Variants in FOXP1 observed in about 807,000 individuals in gnomAD.
The protein encoded by FOXP1 is forkhead box protein P1.
In FOXP1, 15 loss-of-function variants were observed where a neutral mutation model predicts 98.2. That is an observed-to-expected ratio of 0.15 (90% confidence interval 0.10 to 0.24). The LOEUF (loss-of-function observed/expected upper bound fraction) is 0.24, where lower values mean the gene tolerates loss of function less well. Among genes scored for constraint, FOXP1 ranks in the 10% least tolerant of loss-of-function variants. FOXP1 has a pLI of 1.00. For missense variants in FOXP1, 633 were observed against 848.5 expected, an observed-to-expected ratio of 0.75 and a Z score of 3.15; for synonymous variants, 371 against 314.5, an observed-to-expected ratio of 1.18 and a Z score of -1.90.
intron 11 of FOXP1, among the ~76,000 whole-genome samples, chr3:71,031,908 A>T (rs752281937): frequency 2.6e-5 from 4 of 152,220 alleles, no homozygotes; most frequent in Non-Finnish European, 5.9e-5. Flanking sequence ...CTATGAACCA[A>T]GTGTGTTTCA....
chr3:71,146,040 G>C (rs2060291634), intron 6 of FOXP1, among the ~76,000 whole-genome samples: 1 of 152,174 alleles, frequency 6.6e-6, no homozygotes, highest in Non-Finnish European at 1.5e-5. Flanking sequence ...CAACTTACTA[G>C]GAAATGAAAA....
chr3:71,000,434 A>C (rs192929830), intron 13 of FOXP1, among the ~76,000 whole-genome samples: 2 of 152,150 alleles, frequency 1.3e-5, no homozygotes, highest in Admixed American at 1.3e-4. Flanking sequence ...ATGAGAAATA[A>C]ACCCACATAT....
intron 9 of FOXP1, among the ~76,000 whole-genome samples, chr3:71,051,205 A>C (rs1201697875): frequency 2.0e-5 from 3 of 152,174 alleles, no homozygotes; most frequent in Non-Finnish European, 4.4e-5. Flanking sequence ...TTAGATTTAC[A>C]TTTTAGACAC....
At chr3:70,975,453 C>G (rs1414040945) in intron 17 of FOXP1, among the ~76,000 whole-genome samples, 7 of 152,140 alleles carry the variant, frequency 4.6e-5, no homozygotes, top group Non-Finnish European at 8.8e-5. Flanking sequence ...TGAATTAATT[C>G]TATGGTTATA....
chr3:71,443,452 C>T (rs79992421), intron 3 of FOXP1, among the ~76,000 whole-genome samples: 217 of 152,326 alleles, frequency 1.4e-3, no homozygotes, highest in East Asian at 7.5e-3. Flanking sequence ...CCTATCTAAC[C>T]GTAACTCTGG....
chr3:71,268,869 G>A (rs1046879320), intron 5 of FOXP1, among the ~76,000 whole-genome samples: 4 of 152,128 alleles, frequency 2.6e-5, no homozygotes, highest in Admixed American at 2.0e-4. Context: ...AGCTTCCTGT[G>A]CCCACTGAGC....
chr3:71,451,141 T>C (rs1035666563), intron 3 of FOXP1, among the ~76,000 whole-genome samples: 1 of 151,940 alleles, frequency 6.6e-6, no homozygotes, highest in Non-Finnish European at 1.5e-5. Context: ...ATGAGTGGAG[T>C]TCAAAATTAC....
In FOXP1 at chr3:71,143,462, G is replaced by A. The variant is rs777591229; in HGVS notation, c.181-30825C>T. On this transcript the variant is annotated intron_variant, in intron 6 of 20. Coordinates refer to ENST00000649528, the MANE Select transcript of FOXP1 (RefSeq NM_001349338.3). ...AGTCTTCTGGAAGATGAAGCCAGAG[G>A]CCTGCATTTGAATCCTAGCTTCACT... Among the ~76,000 whole-genome samples the A allele has an allele frequency of 3.3e-5, 5 of 152,144 alleles. No homozygotes were observed. The East Asian group carries it at 9.6e-4, about 29-fold the overall frequency.
intron 3 of FOXP1, among the ~76,000 whole-genome samples, chr3:71,366,843 A>G (rs1320289895): frequency 6.6e-6 from 1 of 152,200 alleles, no homozygotes; most frequent in Non-Finnish European, 1.5e-5. Flanking sequence ...AAGTCCTCTT[A>G]ATGAGATTCC....
At chr3:71,300,193 T>A (rs569557917) in intron 4 of FOXP1, among the ~76,000 whole-genome samples, 1 of 152,258 alleles carries the variant, frequency 6.6e-6, no homozygotes, top group Non-Finnish European at 1.5e-5. Flanking sequence ...CTCATAGGCC[T>A]CTGTTTTTGG....
At chr3:71,184,152 A>AAAAC (rs909117104) in intron 6 of FOXP1, among the ~76,000 whole-genome samples, 15 of 152,280 alleles carry the variant, frequency 9.9e-5, no homozygotes, top group African/African-American at 3.4e-4. Context: ...GACTGTCTCA[A>AAAAC]AAACAAACAA....
At chr3:71,378,935 T>C (rs1325478742) in intron 3 of FOXP1, among the ~76,000 whole-genome samples, 2 of 152,146 alleles carry the variant, frequency 1.3e-5, no homozygotes, top group Non-Finnish European at 2.9e-5. Context: ...TACTATATGA[T>C]ACCATCAGAA....
intron 4 of FOXP1, among the ~76,000 whole-genome samples, chr3:71,318,110 G>T (rs569371251): frequency 6.7e-6 from 1 of 150,360 alleles, no homozygotes; most frequent in Non-Finnish European, 1.5e-5. Flanking sequence ...TTTAAAAAAT[G>T]TAGTGATAAA....
chr3:71,283,918 T>C (rs980322495), intron 5 of FOXP1, among the ~76,000 whole-genome samples: 1 of 152,138 alleles, frequency 6.6e-6, no homozygotes, highest in East Asian at 1.9e-4. Flanking sequence ...AAGACCCCTT[T>C]CCTATTTTCT....
intron 3 of FOXP1, among the ~76,000 whole-genome samples, chr3:71,386,100 G>A (rs1236891570): frequency 6.6e-6 from 1 of 152,104 alleles, no homozygotes; most frequent in Non-Finnish European, 1.5e-5. Flanking sequence ...AAAACGTTAA[G>A]GATTTTGGGA....
At chr3:71,540,774 G>A (rs2044741732) in intron 2 of FOXP1, among the ~76,000 whole-genome samples, 1 of 152,212 alleles carries the variant, frequency 6.6e-6, no homozygotes, top group African/African-American at 2.4e-5. Context: ...GAATATGTAT[G>A]AATACAGACA....
chr3:71,481,248 C>T (rs878914981), intron 3 of FOXP1, among the ~76,000 whole-genome samples: 1 of 152,150 alleles, frequency 6.6e-6, no homozygotes, highest in African/African-American at 2.4e-5. Context: ...TTAAATCCCA[C>T]GATCACCTAT....
intron 3 of FOXP1, among the ~76,000 whole-genome samples, chr3:71,460,445 T>TA (rs1217608497): frequency 6.6e-6 from 1 of 151,572 alleles, no homozygotes; most frequent in Non-Finnish European, 1.5e-5. Flanking sequence ...TTTTTGTTGT[T>TA]GTTGTTTTTG....
chr3:71,248,069 C>G (rs116630167), intron 5 of FOXP1, among the ~76,000 whole-genome samples: 2,335 of 152,300 alleles, frequency 0.015, 62 homozygotes, highest in African/African-American at 0.054. Context: ...TCACAGAGAA[C>G]AGGCCTCCTC....
Sources: gnomAD v4.1 joint callset for allele counts (sites outside exome capture counted in the v4.1 genomes callset) on GRCh38, gnomAD v4.1.1 for gene constraint, MANE v1.5 for transcripts, NCBI Gene and HGNC (gene_info 2026-07-23, HGNC 2026-07-21) for gene names.